Variants in DCUN1D3 observed in about 807,000 individuals in gnomAD.
DCUN1D3 encodes the protein DCN1-like protein 3.
In DCUN1D3, 6 loss-of-function variants were observed where a neutral mutation model predicts 24.8. The ratio of observed to expected loss-of-function variants is 0.24; its 90% CI spans 0.13 to 0.48. The LOEUF (loss-of-function observed/expected upper bound fraction) is 0.48. DCUN1D3 is among the 20% of genes least tolerant of loss of function. The pLI is 0.99. For synonymous variants in DCUN1D3, 120 were observed against 144.9 expected (o/e 0.83, Z 1.24); for missense variants, 258 against 379.4 (o/e 0.68, Z 2.66).
rs143568062 is a variant in DCUN1D3 at position 20,876,400 on chromosome 16, G to A, written c.-105-13757C>T. 4.3e-3 allele frequency among the ~76,000 whole-genome samples: 627 copies of A among 147,102 alleles called. 5 individuals carry two copies. Among genetic ancestry groups the A allele is most frequent in the African/African-American group, 0.014 (570 of 39,720 alleles). ...CAGAAATGTAAATAAAAGCCACAAC[G>A]AAATATTATCTCACCCCAGTTAAAA... On this transcript the variant is annotated intron_variant, in intron 1 of 2. Coordinates refer to ENST00000324344, the MANE Select transcript of DCUN1D3 (RefSeq NM_173475.4).
chr16:20,890,366 A>T (rs1310291104), intron 1 of DCUN1D3, among the ~76,000 whole-genome samples: 2 of 151,990 alleles, frequency 1.3e-5, no homozygotes, highest in African/African-American at 4.8e-5. Flanking sequence ...GGGGGCCCAC[A>T]CCTGTAATCC....
chr16:20,874,333 G>C (rs576102597), intron 1 of DCUN1D3, among the ~76,000 whole-genome samples: 27 of 152,312 alleles, frequency 1.8e-4, no homozygotes, highest in African/African-American at 6.3e-4. Context: ...CTATTTAAAA[G>C]ATGGTATGAC....
chr16:20,883,172 G>A (rs2081852772), intron 1 of DCUN1D3, among the ~76,000 whole-genome samples: 1 of 152,072 alleles, frequency 6.6e-6, no homozygotes, highest in Admixed American at 6.6e-5. Context: ...GAGCATTTCA[G>A]GTTTCAGAGT....
rs573443668 is a variant in DCUN1D3 at position 20,899,565 on chromosome 16, C to T, written c.-106+639G>A. Among the ~76,000 whole-genome samples the T allele has an allele frequency of 4.8e-4, 73 of 152,108 alleles. 1 individual carries two copies. The highest frequency in any genetic ancestry group is 1.7e-3 in the African/African-American group (70 of 41,470). ...AAAAAAATCCACTATTGCCACTCAG[C>T]CACAGAGAATTAAAGTGGAAACCAG... On this transcript the variant is annotated intron_variant, in intron 1 of 2. Coordinates refer to ENST00000324344, the MANE Select transcript of DCUN1D3 (RefSeq NM_173475.4).
In DCUN1D3 at chr16:20,860,336, A is replaced by C. The variant is rs199765506; in HGVS notation, c.465T>G (p.Ser155Arg). 51 of 1,613,474 alleles carry C rather than the reference A, an allele frequency of 3.2e-5. No individual in the cohort carries two copies. The highest frequency in any genetic ancestry group is 4.1e-5 in the Non-Finnish European group (48 of 1,179,644). The change falls in exon 3 of 3, where the codon AGT (serine) becomes AGG (arginine). Residue 155 changes from serine to arginine, a missense_variant. Physicochemically the swap from Ser to Arg is moderately radical, Grantham distance 110. Coordinates refer to ENST00000324344, the MANE Select transcript of DCUN1D3 (RefSeq NM_173475.4). The surrounding 1 kb of genome is among the most constrained non-coding windows in gnomAD (Gnocchi z 4.3). Reference protein sequence around the residue: ...KEFFDGCKAISADSIDGICAR... With the variant: ...KEFFDGCKAIRADSIDGICAR... ...CACAGATTCCGTCAATGCTGTCTGCACTTATTGCTTTGCAGCCATCAAAAA... is the reference window on the plus strand; with the variant it reads ...CACAGATTCCGTCAATGCTGTCTGCCCTTATTGCTTTGCAGCCATCAAAAA...
intron 1 of DCUN1D3, among the ~76,000 whole-genome samples, chr16:20,885,601 T>C (rs999967408): frequency 1.3e-5 from 2 of 152,122 alleles, no homozygotes; most frequent in Admixed American, 6.5e-5. Flanking sequence ...CGGCTTCTAT[T>C]GCTTAACAGA....
chr16:20,859,540 C>CAAAAAAAAAAAAAA lies in DCUN1D3; in HGVS notation c.*332_*345dup, dbSNP rs61506075. The CAAAAAAAAAAAAAA allele has an allele frequency of 1.1e-4, 8 of 71,480 alleles. No individual in the cohort carries two copies. Among genetic ancestry groups the CAAAAAAAAAAAAAA allele is most frequent in the Non-Finnish European group, 1.8e-4 (7 of 38,972 alleles). The allele number at this position is 71,480 out of a possible 1,614,324, so 4.4% of individuals were successfully genotyped here. ...CGCCCTGCTCTATGCCCTCCCCTAC[C>CAAAAAAAAAAAAAA]AAAAAAAAAAAAAAAAAAACAAAAA... On this transcript the variant is annotated 3_prime_UTR_variant, in exon 3 of 3. Coordinates refer to ENST00000324344, the MANE Select transcript of DCUN1D3 (RefSeq NM_173475.4).
At chr16:20,892,376 C>A (rs940536113) in intron 1 of DCUN1D3, among the ~76,000 whole-genome samples, 2 of 152,088 alleles carry the variant, frequency 1.3e-5, no homozygotes, top group African/African-American at 4.8e-5. Flanking sequence ...TCCAGTGTGC[C>A]CCTAGATGCT....
chr16:20,895,201 TCTC>T (rs934294105), intron 1 of DCUN1D3, among the ~76,000 whole-genome samples: 3 of 152,128 alleles, frequency 2.0e-5, no homozygotes, highest in East Asian at 1.9e-4. Context: ...TTCAAGCAAT[TCTC>T]CTGCCTTAGC....
rs942967978 is a variant in DCUN1D3 at position 20,857,807 on chromosome 16, C to T, written c.*2079G>A. ...CCCATTTGCCCCTCTGAAGGAGGAA[C>T]TGTCAGGTTTAGGATTTAAAAAAAA... On this transcript the variant is annotated 3_prime_UTR_variant, in exon 3 of 3. Coordinates refer to ENST00000324344, the MANE Select transcript of DCUN1D3 (RefSeq NM_173475.4). 3 of 150,728 alleles carry T rather than the reference C, an allele frequency of 2.0e-5. No homozygotes were observed. Among genetic ancestry groups the T allele is most frequent in the Admixed American group, 2.0e-4 (3 of 15,196 alleles). 9.3% of individuals were successfully genotyped at this position (150,728 alleles called of 1,614,324 possible). A position where few individuals can be genotyped will look rare whatever the true frequency, so the allele number is the denominator to read the frequency against.
intron 1 of DCUN1D3, among the ~76,000 whole-genome samples, chr16:20,871,320 T>C (rs1247760204): frequency 6.6e-6 from 1 of 152,084 alleles, no homozygotes; most frequent in Non-Finnish European, 1.5e-5. Flanking sequence ...AACCCATGAC[T>C]TTTTACATCA....
intron 1 of DCUN1D3, among the ~76,000 whole-genome samples, chr16:20,867,519 C>T (rs2081768506): frequency 6.6e-6 from 1 of 152,218 alleles, no homozygotes; most frequent in African/African-American, 2.4e-5. Context: ...GAAAAGGACG[C>T]CCAACTGCGC....
Position 20,859,859 on chromosome 16 carries a change from C to A in DCUN1D3, c.*27G>T. ...TTGGCTGCAGGGCAGCTGGCAGATC[C>A]TTGCTGCTGCTCCTGGGACAGAGCC... On this transcript the variant is annotated 3_prime_UTR_variant, in exon 3 of 3. Coordinates refer to ENST00000324344, the MANE Select transcript of DCUN1D3 (RefSeq NM_173475.4). The A allele has an allele frequency of 6.4e-7, 1 of 1,559,812 alleles. No individual in the cohort carries two copies. The highest frequency in any genetic ancestry group is 8.7e-7 in the Non-Finnish European group (1 of 1,151,316).
intron 1 of DCUN1D3, among the ~76,000 whole-genome samples, chr16:20,898,950 A>T (rs2081937497): frequency 6.6e-6 from 1 of 152,200 alleles, no homozygotes; most frequent in Admixed American, 6.5e-5. Flanking sequence ...TCTTTGCTTC[A>T]AATAATTTTT....
intron 1 of DCUN1D3, among the ~76,000 whole-genome samples, chr16:20,891,845 G>A (rs2081893747): frequency 6.6e-6 from 1 of 152,220 alleles, no homozygotes; most frequent in Non-Finnish European, 1.5e-5. Flanking sequence ...CAACTCCAGA[G>A]GACCCTGTCC....
intron 1 of DCUN1D3, among the ~76,000 whole-genome samples, chr16:20,869,203 A>T (rs2081776862): frequency 6.6e-6 from 1 of 152,268 alleles, no homozygotes; most frequent in Admixed American, 6.5e-5. Context: ...TAGGCAGATC[A>T]TGAAATGACA....
At chr16:20,861,489 A>G (rs2081732364) in intron 2 of DCUN1D3, among the ~76,000 whole-genome samples, 1 of 152,190 alleles carries the variant, frequency 6.6e-6, no homozygotes, top group Non-Finnish European at 1.5e-5. Flanking sequence ...AGAGGCACTT[A>G]CTATATTGGT....
intron 1 of DCUN1D3, among the ~76,000 whole-genome samples, chr16:20,869,575 G>A (rs56174861): frequency 0.01 from 1,587 of 152,230 alleles, 8 homozygotes; most frequent in Middle Eastern, 0.034. Flanking sequence ...TCAGAGAGAA[G>A]GCAGGTTTAA....
chr16:20,855,855 T>C lies in DCUN1D3; in HGVS notation c.*4031A>G, dbSNP rs1400654919. 1.3e-5 allele frequency: 2 copies of C among 152,188 alleles called. No homozygotes were observed. Among genetic ancestry groups the C allele is most frequent in the African/African-American group, 4.8e-5 (2 of 41,446 alleles). The allele number at this position is 152,188 out of a possible 1,614,324, so 9.4% of individuals were successfully genotyped here. On this transcript the variant is annotated 3_prime_UTR_variant, in exon 3 of 3. Transcript: ENST00000324344. The stretch of plus-strand genomic sequence containing the variant: ...TCCCAATTAACACAATTCAACAACC[T>C]TAATAGTCCTTTCAGTCGTTTAAAC...
Sources: gnomAD v4.1 joint callset for allele counts (sites outside exome capture counted in the v4.1 genomes callset) on GRCh38, gnomAD v4.1.1 for gene constraint, Gnocchi (gnomAD v3.1) non-coding constraint, MANE v1.5 for transcripts, NCBI Gene and HGNC (gene_info 2026-07-23, HGNC 2026-07-21) for gene names.